The following SPG7 variants were observed in gnomAD, a reference collection of about 807,000 sequenced individuals.
SPG7 encodes mitochondrial inner membrane m-AAA protease component paraplegin.
A neutral mutation model predicts 81.9 loss-of-function variants in SPG7; 103 were observed. The observed-to-expected ratio is 1.26, with a 90% CI of 1.07 to 1.48. SPG7 has a LOEUF of 1.48. SPG7 is among the 40% of genes most tolerant of loss of function. The pLI, the probability that SPG7 is intolerant of heterozygous loss-of-function variation, is 0.00. For synonymous variants in SPG7, 534 were observed against 444.2 expected (o/e 1.20, Z -2.54); for missense variants, 1,241 against 1,087.3 (o/e 1.14, Z -1.99).
intron 3 of SPG7, chr16:89,523,328 T>C: frequency 1.2e-5 from 3 of 256,430 alleles, no homozygotes; most frequent in Non-Finnish European, 2.3e-5. Flanking sequence ...GTCATTCTGA[T>C]GAGTAAAAAG....
rs115512947 is a variant in SPG7, at chr16:89,510,652, T to A, written c.286+60T>A. 157 of 1,022,400 alleles carry A rather than the reference T, an allele frequency of 1.5e-4. No individual in the cohort carries two copies. The African/African-American group carries it at 2.3e-3, about 15-fold the overall frequency. The allele number at this position is 1,022,400 out of a possible 1,614,324, so 63.3% of individuals were successfully genotyped here. A position where few individuals can be genotyped will look rare whatever the true frequency, so the allele number is the denominator to read the frequency against. Reference sequence around the variant, plus strand: ...CTGCACACTTACCGCCTCAGCTACTTGGGAGGCTGATCTTTTTTTATTTTA... The same window carrying A: ...CTGCACACTTACCGCCTCAGCTACTAGGGAGGCTGATCTTTTTTTATTTTA... On this transcript the variant is annotated intron_variant, in intron 2 of 16. Coordinates refer to ENST00000645818, the MANE Select transcript of SPG7 (RefSeq NM_003119.4).
intron 9 of SPG7, among the ~76,000 whole-genome samples, chr16:89,534,372 G>A (rs541995684): frequency 3.3e-5 from 5 of 152,372 alleles, no homozygotes; most frequent in African/African-American, 9.6e-5. Context: ...TGCCTTGTGT[G>A]TAGGGGCTGC....
chr16:89,525,826 C>G (rs551130798), intron 4 of SPG7, among the ~76,000 whole-genome samples: 7 of 152,122 alleles, frequency 4.6e-5, no homozygotes, highest in Non-Finnish European at 7.4e-5. Flanking sequence ...TCCTCAGTCC[C>G]GTGCTGCAGC....
intron 12 of SPG7, chr16:89,548,739 A>T (rs2058597982): frequency 2.8e-6 from 1 of 354,706 alleles, no homozygotes; most frequent in Non-Finnish European, 5.6e-6. Flanking sequence ...CAAACTGGGA[A>T]TCGGAGCTGC....
intron 6 of SPG7, 197 bp from the exon 7 acceptor site, chr16:89,530,486 T>G (rs894389067): frequency 3.0e-6 from 2 of 668,920 alleles, no homozygotes; most frequent in African/African-American, 3.6e-5. Context: ...AGTTTCTTAC[T>G]AATTAATGAC....
chr16:89,529,199 GA>G, intron 5 of SPG7: 1 of 499,520 alleles, frequency 2.0e-6, no homozygotes, highest in Non-Finnish European at 3.7e-6. Flanking sequence ...ACTGAAAATA[GA>G]AAAACCTGAA....
At chr16:89,525,370 AT>A (rs2058246749) in intron 4 of SPG7, among the ~76,000 whole-genome samples, 1 of 152,214 alleles carries the variant, frequency 6.6e-6, no homozygotes, top group East Asian at 1.9e-4. Context: ...TGGATGCCTG[AT>A]TATTTCAGTC....
intron 16 of SPG7, chr16:89,555,878 C>G: frequency 2.5e-6 from 1 of 398,782 alleles, no homozygotes. Context: ...GTCTTTCAAG[C>G]GAGCACTGTG....
intron 1 of SPG7, among the ~76,000 whole-genome samples, chr16:89,509,780 TTTC>T (rs1330122119): frequency 1.4e-5 from 2 of 145,410 alleles, no homozygotes; most frequent in African/African-American, 2.5e-5. Flanking sequence ...TGTGTTTTGT[TTTC>T]TTCTTTTTTT....
intron 7 of SPG7, 165 bp downstream of exon 7, chr16:89,530,973 C>T: frequency 1.2e-6 from 1 of 862,278 alleles, no homozygotes; most frequent in South Asian, 1.4e-5. Flanking sequence ...GGTGCCTGTT[C>T]AACCAGCAGC....
chr16:89,528,522 T>G (rs1048608544), intron 5 of SPG7: 1 of 149,050 alleles, frequency 6.7e-6, no homozygotes, highest in East Asian at 2.0e-4. Flanking sequence ...CTTTGTAGGC[T>G]GATGATGTAC....
intron 7 of SPG7, 74 bp from the exon 8 acceptor site, chr16:89,531,830 A>G (rs2058346382): frequency 1.3e-6 from 2 of 1,513,560 alleles, no homozygotes; most frequent in South Asian, 2.3e-5. Flanking sequence ...CGTGACCCAG[A>G]GAGACCTTAC....
In SPG7 at chr16:89,508,426, G is replaced by A. The variant is rs553241838; in HGVS notation, c.9G>A (p.Val3=). Residue 3 remains valine (V), a synonymous_variant, in exon 1 of 17, where the codon GTG becomes GTA. Transcript: ENST00000645818. MA[V]LLLLLRALRR... is the part of the protein sequence containing the mutation. ...GCGGCTTTCAGGCCAACATGGCCGT[G>A]CTGCTGCTGCTGCTCCGTGCCCTCC... 5 of 1,480,564 alleles carry A rather than the reference G, an allele frequency of 3.4e-6. No individual in the cohort carries two copies. The highest frequency in any genetic ancestry group is 2.7e-6 in the Non-Finnish European group (3 of 1,121,034). 91.7% of individuals were successfully genotyped at this position (1,480,564 alleles called of 1,614,324 possible).
At chr16:89,542,794 G>T (rs1380219456) in intron 9 of SPG7, among the ~76,000 whole-genome samples, 1 of 151,626 alleles carries the variant, frequency 6.6e-6, no homozygotes, top group East Asian at 1.9e-4. Flanking sequence ...TGGAGTATAG[G>T]GGCATGATCA....
chr16:89,556,185 C>T (rs888550905), intron 16 of SPG7: 4 of 398,642 alleles, frequency 1.0e-5, no homozygotes, highest in African/African-American at 2.1e-5. Context: ...TAAAATCCCA[C>T]ACCAGCCCTA....
At chr16:89,535,414 C>A (rs951739275) in intron 9 of SPG7, among the ~76,000 whole-genome samples, 4 of 152,222 alleles carry the variant, frequency 2.6e-5, no homozygotes, top group African/African-American at 4.8e-5. Context: ...AGATTCCCGA[C>A]AGTGTGCAGG....
rs1597669321 is a variant in SPG7, at chr16:89,557,385, C to G, written c.*292C>G. On this transcript the variant is annotated 3_prime_UTR_variant, in exon 17 of 17. Coordinates refer to ENST00000645818, the MANE Select transcript of SPG7 (RefSeq NM_003119.4). ...GTTCCCAGGGTTATAGACAGTCGTT[C>G]CCAGTGTGGCTGAGGCCACCCAGAG... 2.2e-6 allele frequency: 1 copy of G among 446,940 alleles called. No homozygotes were observed. Among genetic ancestry groups the G allele is most frequent in the South Asian group, 2.2e-5 (1 of 44,466 alleles). 27.7% of individuals were successfully genotyped at this position (446,940 alleles called of 1,614,324 possible). A position where few individuals can be genotyped will look rare whatever the true frequency, so the allele number is the denominator to read the frequency against.
chr16:89,526,945 C>T (rs866701774), intron 5 of SPG7: 111 of 225,238 alleles, frequency 4.9e-4, no homozygotes, highest in Middle Eastern at 2.0e-3. Flanking sequence ...TCTCAGCCCC[C>T]GACGTAGGAT....
intron 5 of SPG7, among the ~76,000 whole-genome samples, chr16:89,528,173 G>A (rs1448359877): frequency 3.3e-5 from 5 of 151,812 alleles, no homozygotes; most frequent in Non-Finnish European, 7.4e-5. Flanking sequence ...GGCAGATCAC[G>A]AGGTCAGGAG....
Sources: gnomAD v4.1 joint callset for allele counts (sites outside exome capture counted in the v4.1 genomes callset) on GRCh38, gnomAD v4.1.1 for gene constraint, MANE v1.5 for transcripts, NCBI Gene and HGNC (gene_info 2026-07-23, HGNC 2026-07-21) for gene names.